PCBD2: variants seen among roughly 807,000 people sequenced by gnomAD.
The protein encoded by PCBD2 is pterin-4-alpha-carbinolamine dehydratase 2.
A neutral mutation model predicts 16.4 loss-of-function variants in PCBD2; 12 were observed. That is an observed-to-expected ratio of 0.73 (90% confidence interval 0.47 to 1.19). The LOEUF is 1.19. Ranked by LOEUF, PCBD2 falls within the 50% of genes most tolerant of loss-of-function variation. The pLI is 0.00. For synonymous variants in PCBD2, 58 were observed against 61.8 expected, an observed-to-expected ratio of 0.94 and a Z score of 0.29; for missense variants, 138 against 156.8, an observed-to-expected ratio of 0.88 and a Z score of 0.64.
At chr5:134,924,627 G>C (rs985448341) in intron 2 of PCBD2, 6 of 397,506 alleles carry the variant, frequency 1.5e-5, no homozygotes, top group African/African-American at 8.2e-5. Flanking sequence ...TATTGTACTA[G>C]AGATTGCTCG....
At chr5:134,921,295 A>G (rs761556913) in intron 2 of PCBD2, among the ~76,000 whole-genome samples, 2 of 152,150 alleles carry the variant, frequency 1.3e-5, no homozygotes. Flanking sequence ...TCAGCTTACC[A>G]TGTTAGTCAG....
chr5:134,906,774 C>A (rs998875433), intron 1 of PCBD2, among the ~76,000 whole-genome samples: 1 of 152,186 alleles, frequency 6.6e-6, no homozygotes, highest in African/African-American at 2.4e-5. Flanking sequence ...ATCCCCACTA[C>A]AGACAGAAGG....
chr5:134,937,260 T>C (rs1751171119), intron 2 of PCBD2, among the ~76,000 whole-genome samples: 3 of 152,254 alleles, frequency 2.0e-5, no homozygotes, highest in South Asian at 4.1e-4. Flanking sequence ...ATAATATGGT[T>C]ACTATTGGAT....
intron 2 of PCBD2, among the ~76,000 whole-genome samples, chr5:134,917,328 C>T (rs1750845628): frequency 6.6e-6 from 1 of 152,252 alleles, no homozygotes; most frequent in Admixed American, 6.5e-5. Context: ...GAAGGCTGTC[C>T]CTGTTCTTTC....
intron 2 of PCBD2, among the ~76,000 whole-genome samples, chr5:134,914,888 G>A (rs1750809500): frequency 2.0e-5 from 3 of 152,106 alleles, no homozygotes; most frequent in Admixed American, 6.6e-5. Flanking sequence ...GGCCAGGCTG[G>A]TCTTGAATTC....
At chr5:134,916,396 T>A (rs1349485743) in intron 2 of PCBD2, among the ~76,000 whole-genome samples, 1 of 152,236 alleles carries the variant, frequency 6.6e-6, no homozygotes, top group East Asian at 1.9e-4. Flanking sequence ...TTTAATACAA[T>A]TTTCAGGAGT....
chr5:134,918,850 G>T (rs145000970), intron 2 of PCBD2, among the ~76,000 whole-genome samples: 12 of 152,342 alleles, frequency 7.9e-5, no homozygotes, highest in African/African-American at 2.6e-4. Flanking sequence ...TAGAATGTCA[G>T]TGTTGGCGTC....
At chr5:134,924,823 T>A (rs1432631655) in intron 2 of PCBD2, 1 of 392,434 alleles carries the variant, frequency 2.5e-6, no homozygotes, top group Non-Finnish European at 4.5e-6. Context: ...GGGTAGGTTT[T>A]GGCTTGTAAG....
chr5:134,913,097 T>A (rs1304068229), intron 2 of PCBD2, among the ~76,000 whole-genome samples: 6 of 152,202 alleles, frequency 3.9e-5, no homozygotes, highest in East Asian at 1.9e-4. Flanking sequence ...TTTAAAAAAA[T>A]TTTTTAAATT....
intron 2 of PCBD2, among the ~76,000 whole-genome samples, chr5:134,953,018 A>G (rs1361553185): frequency 6.6e-6 from 1 of 152,000 alleles, no homozygotes. Flanking sequence ...CCTGTTCAAT[A>G]TAATTTATTA....
At chr5:134,928,395 C>G (rs1010858044) in intron 2 of PCBD2, 1 of 363,292 alleles carries the variant, frequency 2.8e-6, no homozygotes, top group African/African-American at 2.1e-5. Flanking sequence ...TATACCAATT[C>G]GGCTCAGTCT....
chr5:134,927,386 A>T, intron 2 of PCBD2: 1 of 398,418 alleles, frequency 2.5e-6, no homozygotes, highest in Admixed American at 4.4e-5. Flanking sequence ...CATGGGCTTT[A>T]GGGAGCCATA....
At chr5:134,924,614 G>A (rs5015109) in intron 2 of PCBD2, 1 of 397,780 alleles carries the variant, frequency 2.5e-6, no homozygotes, top group African/African-American at 2.1e-5. Flanking sequence ...TTGTTGGTGT[G>A]TATATTGTAC....
At chr5:134,952,354 GA>G (rs1234746114) in intron 2 of PCBD2, among the ~76,000 whole-genome samples, 3 of 152,210 alleles carry the variant, frequency 2.0e-5, no homozygotes, top group African/African-American at 7.2e-5. Flanking sequence ...AATTGATTGA[GA>G]TTTTCTTTGT....
rs1751491873 is a variant in PCBD2, at chr5:134,962,594, C to G, written c.*1913C>G. ...AAGCTAAAGTTGATTTGGATTTTAG[C>G]TGCCGTTACTACTTATATAATTAAT... is the stretch of plus-strand genomic sequence containing the variant. On this transcript the variant is annotated 3_prime_UTR_variant, in exon 4 of 4. Transcript: ENST00000254908. Among the ~76,000 whole-genome samples the G allele has an allele frequency of 6.6e-6, 1 of 152,122 alleles. No homozygotes were observed. Among genetic ancestry groups the G allele is most frequent in the African/African-American group, 2.4e-5 (1 of 41,414 alleles).
intron 2 of PCBD2, among the ~76,000 whole-genome samples, chr5:134,947,163 G>T (rs1751305386): frequency 6.6e-6 from 1 of 151,852 alleles, no homozygotes; most frequent in Non-Finnish European, 1.5e-5. Flanking sequence ...TGCGATAATG[G>T]CTCATTGCAA....
chr5:134,905,560 C>T (rs1750676382), intron 1 of PCBD2: 5 of 215,062 alleles, frequency 2.3e-5, no homozygotes. Context: ...TGCCCGCTGC[C>T]GCTCGTTGTG....
At chr5:134,913,402 G>A (rs1230776977) in intron 2 of PCBD2, among the ~76,000 whole-genome samples, 1 of 152,202 alleles carries the variant, frequency 6.6e-6, no homozygotes, top group Non-Finnish European at 1.5e-5. Context: ...TCCAAGGGAA[G>A]AGCTTTCCAG....
At chr5:134,924,854 T>C in intron 2 of PCBD2, 1 of 391,262 alleles carries the variant, frequency 2.6e-6, no homozygotes. Flanking sequence ...TAAGGGACTG[T>C]GCGGTGTATG....
Sources: gnomAD v4.1 joint callset for allele counts (sites outside exome capture counted in the v4.1 genomes callset) on GRCh38, gnomAD v4.1.1 for gene constraint, MANE v1.5 for transcripts, NCBI Gene and HGNC (gene_info 2026-07-23, HGNC 2026-07-21) for gene names.